The following ZNF362 variants were observed in gnomAD, a reference collection of about 807,000 sequenced individuals.
ZNF362 encodes rotund homolog.
Under a neutral mutation model 42.9 loss-of-function variants are expected in ZNF362, and 11 were observed. The ratio of observed to expected loss-of-function variants is 0.26; its 90% CI spans 0.16 to 0.42. The LOEUF (loss-of-function observed/expected upper bound fraction) is 0.42. ZNF362 is among the 20% of genes least tolerant of loss of function. The pLI, the probability that ZNF362 is intolerant of heterozygous loss-of-function variation, is 1.00. For synonymous variants in ZNF362, 255 were observed against 257.3 expected (o/e 0.99, Z 0.09); for missense variants, 362 against 576.2 (o/e 0.63, Z 3.81).
the ZNF362 span, among the ~76,000 whole-genome samples, chr1:33,182,742 C>T: frequency 3.9e-4 from 60 of 151,948 alleles, no homozygotes; most frequent in African/African-American, 1.3e-3. Context: ...GAGGAGACAG[C>T]CTGTGCAAAA....
the ZNF362 span, among the ~76,000 whole-genome samples, chr1:33,144,309 G>C: frequency 6.6e-6 from 1 of 152,118 alleles, no homozygotes; most frequent in Non-Finnish European, 1.5e-5. Context: ...GGCTAATTTT[G>C]TATTTTTTAG....
chr1:33,269,457 T>C (rs1050651696), intron 1 of ZNF362, among the ~76,000 whole-genome samples: 1 of 152,182 alleles, frequency 6.6e-6, no homozygotes, highest in Non-Finnish European at 1.5e-5. Flanking sequence ...TTTGTAATCA[T>C]AGTGTCCGGA....
chr1:33,238,162 C>CA, the ZNF362 span, among the ~76,000 whole-genome samples: 2 of 151,294 alleles, frequency 1.3e-5, no homozygotes, highest in East Asian at 1.9e-4. Flanking sequence ...ACTGAAAATA[C>CA]AAAAAAATTA....
chr1:33,173,372 G>T, the ZNF362 span, among the ~76,000 whole-genome samples: 1 of 152,176 alleles, frequency 6.6e-6, no homozygotes, highest in African/African-American at 2.4e-5. Context: ...GTTAAGTAAG[G>T]ATCAAGCTCA....
chr1:33,235,796 AG>A, the ZNF362 span, among the ~76,000 whole-genome samples: 1 of 152,216 alleles, frequency 6.6e-6, no homozygotes, highest in African/African-American at 2.4e-5. Flanking sequence ...GGGTGGGCAT[AG>A]GGGTGGACCT....
chr1:33,144,470 G>A, the ZNF362 span, among the ~76,000 whole-genome samples: 93 of 152,342 alleles, frequency 6.1e-4, no homozygotes, highest in East Asian at 0.017. Context: ...AGTGTGATGT[G>A]ATTTTGCGTG....
chr1:33,154,629 C>G, the ZNF362 span, among the ~76,000 whole-genome samples: 1 of 151,410 alleles, frequency 6.6e-6, no homozygotes, highest in Non-Finnish European at 1.5e-5. Flanking sequence ...GAAACACCGT[C>G]TCTACTAAAA....
At chr1:33,175,031 T>TATGTATATGTATATGTA in the ZNF362 span, among the ~76,000 whole-genome samples, 1,928 of 147,136 alleles carry the variant, frequency 0.013, 51 homozygotes, top group African/African-American at 0.042. Flanking sequence ...ATGTATATGT[T>TATGTATATGTATATGTA]TATGTATATG....
intron 6 of ZNF362, among the ~76,000 whole-genome samples, chr1:33,289,313 T>A (rs569625443): frequency 2.0e-5 from 3 of 152,114 alleles, no homozygotes; most frequent in African/African-American, 7.2e-5. Context: ...GGCCAGAATG[T>A]GAAGGGCCTT....
upstream of ZNF362, among the ~76,000 whole-genome samples, chr1:33,252,442 G>A (rs1343801646): frequency 6.6e-6 from 1 of 152,224 alleles, no homozygotes; most frequent in Admixed American, 6.5e-5. Context: ...AAGGTCACAA[G>A]TTCCAGTGGG....
chr1:33,194,966 G>A, the ZNF362 span: 1 of 152,070 alleles, frequency 6.6e-6, no homozygotes, highest in South Asian at 2.1e-4. Context: ...GAATGAAAAG[G>A]CACATTGAGT....
At chr1:33,269,661 C>CAA (rs1040758429) in intron 1 of ZNF362, among the ~76,000 whole-genome samples, 59 of 152,312 alleles carry the variant, frequency 3.9e-4, no homozygotes, top group African/African-American at 1.4e-3. Flanking sequence ...CTCAGCCTCT[C>CAA]AAAGTGCTGA....
At chr1:33,203,712 T>A in the ZNF362 span, among the ~76,000 whole-genome samples, 4 of 152,232 alleles carry the variant, frequency 2.6e-5, no homozygotes, top group Non-Finnish European at 4.4e-5. Flanking sequence ...CGCATTTCCC[T>A]GATGATTAGT....
chr1:33,240,475 A>T, the ZNF362 span, among the ~76,000 whole-genome samples: 2 of 152,344 alleles, frequency 1.3e-5, no homozygotes, highest in Middle Eastern at 3.4e-3. Flanking sequence ...ATATACATAT[A>T]TACATAAACA....
chr1:33,236,550 A>AAAAAAAAAAT, the ZNF362 span, among the ~76,000 whole-genome samples: 3 of 5,982 alleles, frequency 5.0e-4, no homozygotes, highest in African/African-American at 1.2e-3. Context: ...AAAAAAAAAA[A>AAAAAAAAAAT]ATATATATAT....
chr1:33,220,872 C>T, the ZNF362 span, among the ~76,000 whole-genome samples: 10 of 152,066 alleles, frequency 6.6e-5, no homozygotes, highest in Admixed American at 1.3e-4. Flanking sequence ...CCTAATGCCA[C>T]GAATTCTGGG....
rs964801855 is a variant in ZNF362, at chr1:33,266,259, G to A, written c.-88-4228G>A. 1.3e-5 allele frequency among the ~76,000 whole-genome samples: 2 copies of A among 152,150 alleles called. No homozygotes were observed. The highest frequency in any genetic ancestry group is 2.1e-4 in the South Asian group (1 of 4,824). On this transcript the variant is annotated intron_variant, in intron 1 of 8. Coordinates refer to ENST00000539719, the MANE Select transcript of ZNF362 (RefSeq NM_152493.3). This position sits in a 1 kb window ranked among gnomAD's most constrained non-coding sequence, Gnocchi z 4.3. ...CCGCAGTGGCTCTCCTGGCAAACTC[G>A]TCTGTCTTCACGGCTCACATGGAAA...
chr1:33,282,742 A>AGGCTT (rs1646004753), intron 6 of ZNF362, among the ~76,000 whole-genome samples: 4 of 151,854 alleles, frequency 2.6e-5, no homozygotes, highest in Admixed American at 1.3e-4. Context: ...GACTCGCTTG[A>AGGCTT]ACCCAGGAGA....
chr1:33,291,541 A>C, intron 6 of ZNF362, among the ~76,000 whole-genome samples: 1 of 152,162 alleles, frequency 6.6e-6, no homozygotes, highest in Non-Finnish European at 1.5e-5. Context: ...TTGACTTGGC[A>C]ATGCAGGCTC....
Sources: gnomAD v4.1 joint callset for allele counts (sites outside exome capture counted in the v4.1 genomes callset) on GRCh38, gnomAD v4.1.1 for gene constraint, Gnocchi (gnomAD v3.1) non-coding constraint, MANE v1.5 for transcripts, NCBI Gene and HGNC (gene_info 2026-07-23, HGNC 2026-07-21) for gene names.